CCSER1: variants seen among roughly 807,000 people sequenced by gnomAD.
The protein encoded by CCSER1 is serine-rich coiled-coil domain-containing protein 1.
Under a neutral mutation model 82.0 loss-of-function variants are expected in CCSER1, and 41 were observed. That is an observed-to-expected ratio of 0.50 (90% CI 0.39 to 0.65). The LOEUF is 0.65. Among genes scored for constraint, CCSER1 ranks in the 30% least tolerant of loss-of-function variants. The probability of loss-of-function intolerance (pLI) is 0.00; values close to 1 mark genes in which losing one functional copy is unlikely to be tolerated. For synonymous variants in CCSER1, 414 were observed against 383.9 expected, an observed-to-expected ratio of 1.08 and a Z score of -0.92; for missense variants, 1,119 against 1,064.2, an observed-to-expected ratio of 1.05 and a Z score of -0.72.
intron 9 of CCSER1, among the ~76,000 whole-genome samples, chr4:90,956,130 T>G (rs187567555): frequency 2.0e-5 from 3 of 152,234 alleles, no homozygotes; most frequent in Admixed American, 2.0e-4. Context: ...GTGGGTAAAA[T>G]TAATTTCCAT....
At chr4:91,069,422 TAAA>T (rs771146404) in intron 9 of CCSER1, among the ~76,000 whole-genome samples, 3 of 151,664 alleles carry the variant, frequency 2.0e-5, no homozygotes, top group Non-Finnish European at 2.9e-5. Flanking sequence ...ATGTTTATGT[TAAA>T]AAGGGTAAAT....
intron 10 of CCSER1, among the ~76,000 whole-genome samples, chr4:91,203,084 A>G (rs1290168818): frequency 6.6e-6 from 1 of 151,962 alleles, no homozygotes; most frequent in Non-Finnish European, 1.5e-5. Flanking sequence ...TGATTGAAAT[A>G]TGGTTGAACT....
At chr4:90,241,316 CTATTATA>C (rs1430831801) in intron 1 of CCSER1, among the ~76,000 whole-genome samples, 5 of 152,060 alleles carry the variant, frequency 3.3e-5, no homozygotes, top group African/African-American at 9.7e-5. Flanking sequence ...GAGTTGCCAA[CTATTATA>C]TATTATGTAT....
intron 10 of CCSER1, among the ~76,000 whole-genome samples, chr4:91,467,476 G>T (rs990790690): frequency 2.7e-4 from 41 of 152,118 alleles, no homozygotes; most frequent in African/African-American, 9.4e-4. Flanking sequence ...AAAAGCAATG[G>T]CAACAAATGC....
chr4:90,429,671 C>A (rs1387080503), intron 4 of CCSER1, among the ~76,000 whole-genome samples: 1 of 151,688 alleles, frequency 6.6e-6, no homozygotes, highest in African/African-American at 2.4e-5. Context: ...TTTTAAGTGA[C>A]ATAAGCAGAC....
chr4:90,613,761 G>A (rs748454075), intron 5 of CCSER1, among the ~76,000 whole-genome samples: 3 of 152,106 alleles, frequency 2.0e-5, no homozygotes, highest in African/African-American at 7.2e-5. Flanking sequence ...AACAAAGGAC[G>A]TGATTTCTTC....
intron 6 of CCSER1, among the ~76,000 whole-genome samples, chr4:90,718,692 G>A (rs1742125774): frequency 1.3e-5 from 2 of 152,120 alleles, no homozygotes; most frequent in South Asian, 4.2e-4. Flanking sequence ...TAAAAGCTCT[G>A]ATAAAAACTC....
chr4:91,051,536 C>G (rs1337869181), intron 9 of CCSER1, among the ~76,000 whole-genome samples: 1 of 151,910 alleles, frequency 6.6e-6, no homozygotes, highest in Non-Finnish European at 1.5e-5. Context: ...CCAAAACAAC[C>G]AATGCTTAAA....
At chr4:90,528,973 A>G (rs1774139860) in intron 5 of CCSER1, among the ~76,000 whole-genome samples, 1 of 151,602 alleles carries the variant, frequency 6.6e-6, no homozygotes, top group Non-Finnish European at 1.5e-5. Context: ...TGATTTGTAT[A>G]CTGGACAGCT....
chr4:90,836,135 T>C (rs1285813252), intron 8 of CCSER1, among the ~76,000 whole-genome samples: 1 of 152,146 alleles, frequency 6.6e-6, no homozygotes, highest in Non-Finnish European at 1.5e-5. Context: ...GGATAAAAAA[T>C]TCTTAGGTAC....
chr4:91,090,041 C>T lies in CCSER1; in HGVS notation c.2217+4047C>T, dbSNP rs148183339. Among the ~76,000 whole-genome samples, 1,057 of 152,234 alleles carry T rather than the reference C, an allele frequency of 6.9e-3. 7 individuals are homozygous for T. Among genetic ancestry groups the T allele is most frequent in the African/African-American group, 0.024 (990 of 41,526 alleles). ...AATAATTTCTAAAACAGCTTGCAACCGTATGATTCAGTTGAGCATGAAGAT... is the reference window on the plus strand; with the variant it reads ...AATAATTTCTAAAACAGCTTGCAACTGTATGATTCAGTTGAGCATGAAGAT... On this transcript the variant is annotated intron_variant, in intron 10 of 10. Transcript: ENST00000509176.
At chr4:91,046,181 G>T (rs1742469458) in intron 9 of CCSER1, among the ~76,000 whole-genome samples, 1 of 149,718 alleles carries the variant, frequency 6.7e-6, no homozygotes, top group African/African-American at 2.5e-5. Context: ...GCAAATGGAT[G>T]AGAAGTCTAG....
chr4:90,916,586 T>C (rs988412863), intron 8 of CCSER1, among the ~76,000 whole-genome samples: 4 of 152,166 alleles, frequency 2.6e-5, no homozygotes, highest in African/African-American at 9.7e-5. Flanking sequence ...GGCAATACCA[T>C]TCAGGACATA....
intron 10 of CCSER1, among the ~76,000 whole-genome samples, chr4:91,545,187 T>C (rs1578749589): frequency 1.3e-5 from 2 of 152,106 alleles, no homozygotes; most frequent in East Asian, 3.9e-4. Flanking sequence ...AAGCACAGTA[T>C]TAGGGTGGGA....
chr4:91,362,372 C>T (rs1269359548), intron 10 of CCSER1, among the ~76,000 whole-genome samples: 2 of 151,678 alleles, frequency 1.3e-5, no homozygotes, highest in Non-Finnish European at 3.0e-5. Flanking sequence ...TTCATTTACC[C>T]TTCTATTCCT....
intron 1 of CCSER1, among the ~76,000 whole-genome samples, chr4:90,232,711 C>T (rs1327445153): frequency 2.1e-5 from 3 of 144,820 alleles, no homozygotes; most frequent in African/African-American, 5.2e-5. Context: ...AGAAAATTTT[C>T]ACAACCTACT....
At chr4:90,563,594 A>G (rs891618715) in intron 5 of CCSER1, among the ~76,000 whole-genome samples, 2 of 152,130 alleles carry the variant, frequency 1.3e-5, no homozygotes, top group South Asian at 4.1e-4. Context: ...AGGTTCATCT[A>G]TGCTGTCCTA....
chr4:90,266,604 C>G (rs893166354), intron 1 of CCSER1, among the ~76,000 whole-genome samples: 2 of 152,014 alleles, frequency 1.3e-5, no homozygotes, highest in African/African-American at 4.8e-5. Flanking sequence ...CTGATGCCAC[C>G]CCTCCCCCAT....
chr4:91,077,975 CAAG>C (rs1722195575), intron 9 of CCSER1, among the ~76,000 whole-genome samples: 1 of 152,234 alleles, frequency 6.6e-6, no homozygotes, highest in South Asian at 2.1e-4. Flanking sequence ...CACCACAGCT[CAAG>C]GAGGCCCGCC....
Sources: allele counts gnomAD v4.1 joint callset (sites outside exome capture counted in the v4.1 genomes callset), GRCh38; gene constraint gnomAD v4.1.1; transcripts MANE v1.5; gene names NCBI Gene and HGNC (gene_info 2026-07-23, HGNC 2026-07-21).